The following FBN2 variants were observed in gnomAD, a reference collection of about 807,000 sequenced individuals.
FBN2 encodes fibrillin-2.
Under a neutral mutation model 355.6 loss-of-function variants are expected in FBN2, and 105 were observed. The observed-to-expected ratio is 0.30, with a 90% confidence interval of 0.25 to 0.35. The LOEUF (loss-of-function observed/expected upper bound fraction) is 0.35. FBN2 is among the 10% of genes least tolerant of loss of function. The pLI, the probability that FBN2 is intolerant of heterozygous loss-of-function variation, is 1.00. For synonymous variants in FBN2, 1,350 were observed against 1,301.2 expected, an observed-to-expected ratio of 1.04 and a Z score of -0.81; for missense variants, 3,280 against 3,758.7, an observed-to-expected ratio of 0.87 and a Z score of 3.33.
At chr5:128,455,032 A>T (rs1037695510) in intron 6 of FBN2, among the ~76,000 whole-genome samples, 1 of 152,178 alleles carries the variant, frequency 6.6e-6, no homozygotes, top group Non-Finnish European at 1.5e-5. Context: ...TAATATATTT[A>T]AAAAAATTTT....
chr5:128,535,100 T>C (rs959564753), intron 2 of FBN2, among the ~76,000 whole-genome samples: 1 of 152,220 alleles, frequency 6.6e-6, no homozygotes, highest in African/African-American at 2.4e-5. Context: ...ATGCAGAACA[T>C]GTTCTTTTAA....
At chr5:128,267,306 G>A (rs1765141861) in intron 62 of FBN2, among the ~76,000 whole-genome samples, 1 of 152,130 alleles carries the variant, frequency 6.6e-6, no homozygotes, top group African/African-American at 2.4e-5. Flanking sequence ...CTTTATAGTA[G>A]AATGATCTAT....
At chr5:128,389,654 A>G (rs1237037947) in intron 11 of FBN2, among the ~76,000 whole-genome samples, 3 of 152,194 alleles carry the variant, frequency 2.0e-5, no homozygotes, top group Non-Finnish European at 4.4e-5. Flanking sequence ...CACAGGCTGG[A>G]GTCCTGTCCC....
At chr5:128,426,223 C>G (rs1383756644) in intron 7 of FBN2, among the ~76,000 whole-genome samples, 1 of 152,172 alleles carries the variant, frequency 6.6e-6, no homozygotes, top group Non-Finnish European at 1.5e-5. Context: ...TAATACAGCA[C>G]AGACACATTC....
At chr5:128,311,564 T>C in intron 38 of FBN2, 139 bp from the exon 39 acceptor site, 1 of 877,708 alleles carries the variant, frequency 1.1e-6, no homozygotes. Context: ...ATGGCAAGTT[T>C]ATTCTGCTCA....
At chr5:128,503,383 G>A (rs1473245466) in intron 5 of FBN2, among the ~76,000 whole-genome samples, 1 of 152,206 alleles carries the variant, frequency 6.6e-6, no homozygotes, top group African/African-American at 2.4e-5. Flanking sequence ...ACCTGAAAAT[G>A]TGGAAGAGAC....
chr5:128,509,663 A>C (rs1274011976), intron 5 of FBN2, among the ~76,000 whole-genome samples: 1 of 144,014 alleles, frequency 6.9e-6, no homozygotes, highest in Admixed American at 6.8e-5. Flanking sequence ...GATTTTTTTT[A>C]CTTTATTTAG....
chr5:128,355,896 G>C (rs1406232946), intron 20 of FBN2, among the ~76,000 whole-genome samples: 5 of 152,068 alleles, frequency 3.3e-5, no homozygotes, highest in African/African-American at 1.2e-4. Context: ...GGGTAAAAAA[G>C]TCTTTGTTCT....
chr5:128,334,591 A>G (rs1230677052), intron 31 of FBN2, 128 bp downstream of exon 31: 41 of 1,012,716 alleles, frequency 4.0e-5, no homozygotes, highest in South Asian at 1.0e-4. Flanking sequence ...TCACACACTC[A>G]TCACACACAC....
chr5:128,496,378 T>C (rs892119976), intron 5 of FBN2, among the ~76,000 whole-genome samples: 1 of 152,016 alleles, frequency 6.6e-6, no homozygotes, highest in African/African-American at 2.4e-5. Context: ...GATATGTAAA[T>C]CAATCATTGT....
intron 63 of FBN2, among the ~76,000 whole-genome samples, chr5:128,262,115 G>A (rs1581171853): frequency 1.3e-5 from 2 of 152,106 alleles, no homozygotes; most frequent in Non-Finnish European, 2.9e-5. Context: ...ACAGTGGCAC[G>A]ATCTTGCTCA....
At chr5:128,318,745 T>C (rs28763940) in intron 35 of FBN2, 134 bp downstream of exon 35, 75 of 766,868 alleles carry the variant, frequency 9.8e-5, no homozygotes, top group Non-Finnish European at 1.4e-4. Context: ...CATCTGAATA[T>C]AATTTTCTTT....
At chr5:128,489,829 A>G (rs1371629590) in intron 5 of FBN2, among the ~76,000 whole-genome samples, 1 of 152,204 alleles carries the variant, frequency 6.6e-6, no homozygotes, top group African/African-American at 2.4e-5. Flanking sequence ...GTGATTATTC[A>G]CTTGTTATAA....
intron 24 of FBN2, among the ~76,000 whole-genome samples, chr5:128,344,883 T>C (rs1751128883): frequency 1.3e-5 from 2 of 151,734 alleles, no homozygotes; most frequent in Non-Finnish European, 2.9e-5. Context: ...GTATTTTTAG[T>C]AGAGACGGGG....
chr5:128,285,021 T>C (rs941537893), intron 55 of FBN2, among the ~76,000 whole-genome samples: 2 of 152,208 alleles, frequency 1.3e-5, no homozygotes, highest in African/African-American at 2.4e-5. Context: ...GTTCTACTTA[T>C]CAGATTTCTT....
intron 2 of FBN2, among the ~76,000 whole-genome samples, chr5:128,531,751 T>C (rs543704908): frequency 6.6e-6 from 1 of 150,500 alleles, no homozygotes; most frequent in Non-Finnish European, 1.5e-5. Flanking sequence ...TACACACACA[T>C]ATTTACTGGC....
At chr5:128,351,146 G>A (rs747856479) in intron 20 of FBN2, 141 bp from the exon 21 acceptor site, 4 of 1,003,246 alleles carry the variant, frequency 4.0e-6, no homozygotes, top group Non-Finnish European at 6.1e-6. Context: ...ACTTTGGGAG[G>A]CTGAGGAGGA....
intron 7 of FBN2, among the ~76,000 whole-genome samples, chr5:128,444,141 C>T (rs996388303): frequency 2.2e-5 from 3 of 137,504 alleles, no homozygotes; most frequent in Admixed American, 8.0e-5. Flanking sequence ...GGCGCGATCT[C>T]GGCTCACTGC....
At position 128,276,599 on chromosome 5, in the gene FBN2, C is replaced by G. The variant is rs1435164356; in HGVS notation, c.7472-439G>C. Among the ~76,000 whole-genome samples, 3 of 152,086 alleles carry G rather than the reference C, an allele frequency of 2.0e-5. No homozygotes were observed. The East Asian group carries it at 5.8e-4, about 29-fold the overall frequency. The stretch of plus-strand genomic sequence containing the variant: ...TTTCCCCTTCAGATTCAGTCCTCAC[C>G]CTGGTCCACTCTGCTCTCAGGCCCA... On this transcript the variant is annotated intron_variant, in intron 58 of 64. Coordinates refer to ENST00000262464, the MANE Select transcript of FBN2 (RefSeq NM_001999.4).
Sources: gnomAD v4.1 joint callset for allele counts (sites outside exome capture counted in the v4.1 genomes callset) on GRCh38, gnomAD v4.1.1 for gene constraint, MANE v1.5 for transcripts, NCBI Gene and HGNC (gene_info 2026-07-23, HGNC 2026-07-21) for gene names.